The following VPS13B variants were observed in gnomAD, a reference collection of about 807,000 sequenced individuals.
VPS13B encodes intermembrane lipid transfer protein VPS13B.
A neutral mutation model predicts 426.4 loss-of-function variants in VPS13B; 285 were observed. The ratio of observed to expected loss-of-function variants is 0.67; its 90% CI spans 0.61 to 0.74. The LOEUF is 0.74. VPS13B is among the 30% of genes least tolerant of loss of function. The pLI, the probability that VPS13B is intolerant of heterozygous loss-of-function variation, is 0.00. For synonymous variants in VPS13B, 1,676 were observed against 1,676.4 expected (o/e 1.00, Z 0.01); for missense variants, 4,537 against 4,782.6 (o/e 0.95, Z 1.51).
intron 22 of VPS13B, among the ~76,000 whole-genome samples, chr8:99,434,450 G>A (rs946056404): frequency 2.0e-5 from 3 of 152,130 alleles, no homozygotes; most frequent in African/African-American, 7.2e-5. Flanking sequence ...TGCAACAAAT[G>A]TCTGTTGTTT....
At chr8:99,539,144 T>C (rs1823416331) in intron 30 of VPS13B, among the ~76,000 whole-genome samples, 2 of 152,214 alleles carry the variant, frequency 1.3e-5, no homozygotes. Flanking sequence ...ATGATTACAT[T>C]GTAAGCATAA....
chr8:99,126,191 A>G (rs6415433), intron 8 of VPS13B, among the ~76,000 whole-genome samples: 125,692 of 152,140 alleles, frequency 0.83, 52,436 homozygotes, highest in South Asian at 0.89. Flanking sequence ...AGAAAAGGTG[A>G]TAGCGGTTTT....
At chr8:99,788,586 G>T (rs1364870881) in intron 43 of VPS13B, among the ~76,000 whole-genome samples, 3 of 152,118 alleles carry the variant, frequency 2.0e-5, no homozygotes, top group Non-Finnish European at 4.4e-5. Flanking sequence ...TTTACAGTTT[G>T]TTGCAGCTAC....
chr8:99,734,686 A>G (rs1159200975), intron 39 of VPS13B, among the ~76,000 whole-genome samples: 2 of 152,214 alleles, frequency 1.3e-5, no homozygotes, highest in Admixed American at 1.3e-4. Context: ...AGAGGAAAGG[A>G]TGAATCAGGA....
At chr8:99,431,994 C>T (rs1293533589) in intron 22 of VPS13B, among the ~76,000 whole-genome samples, 1 of 151,998 alleles carries the variant, frequency 6.6e-6, no homozygotes, top group East Asian at 1.9e-4. Context: ...TATCTCAGAA[C>T]TGAGATAAAG....
At chr8:99,860,352 G>A (rs529715683) in intron 57 of VPS13B, among the ~76,000 whole-genome samples, 1 of 152,118 alleles carries the variant, frequency 6.6e-6, no homozygotes, top group Non-Finnish European at 1.5e-5. Context: ...CACTCCCCCA[G>A]GCCTCAAATC....
intron 39 of VPS13B, among the ~76,000 whole-genome samples, chr8:99,762,638 C>A (rs1810989100): frequency 6.6e-6 from 1 of 152,152 alleles, no homozygotes; most frequent in South Asian, 2.1e-4. Flanking sequence ...AGAACTCTTA[C>A]AACTTACCTG....
Position 99,090,267 on chromosome 8 carries a change from C to CTT in VPS13B, c.292-6028_292-6027dup, listed in dbSNP as rs1205594894. On this transcript the variant is annotated intron_variant, in intron 3 of 61. Coordinates refer to ENST00000357162, the MANE Select transcript of VPS13B (RefSeq NM_152564.5). ...TCTTTGTGACATGTATAATCATAAA[C>CTT]TTTTTTTTTTTTTTTTTTCACACAG... Among the ~76,000 whole-genome samples the CTT allele has an allele frequency of 2.0e-3, 267 of 136,136 alleles. 1 individual carries two copies. The highest frequency in any genetic ancestry group is 6.1e-3 in the African/African-American group (223 of 36,600). 89.3% of individuals were successfully genotyped at this position (136,136 alleles called of 152,430 possible).
At chr8:99,664,439 A>G (rs970189225) in intron 35 of VPS13B, among the ~76,000 whole-genome samples, 4 of 151,586 alleles carry the variant, frequency 2.6e-5, no homozygotes, top group Non-Finnish European at 5.9e-5. Context: ...TTAACATTAG[A>G]TATATCTCCT....
rs1388018846 is a variant in VPS13B, at chr8:99,843,477, G to A, written c.9943-5299G>A. 2.6e-5 allele frequency among the ~76,000 whole-genome samples: 4 copies of A among 152,318 alleles called. No individual in the cohort carries two copies. The East Asian group carries it at 7.7e-4, about 29-fold the overall frequency. On this transcript the variant is annotated intron_variant, in intron 54 of 61. Coordinates refer to ENST00000357162, the MANE Select transcript of VPS13B (RefSeq NM_152564.5). ...CACCCTTGAAGTCTAGCACTTCTAA[G>A]CGATGCTCAGTCTGTATGTGATGCC...
At chr8:99,812,800 A>C (rs1051319479) in intron 44 of VPS13B, among the ~76,000 whole-genome samples, 4 of 152,184 alleles carry the variant, frequency 2.6e-5, no homozygotes, top group Non-Finnish European at 4.4e-5. Context: ...ATCGTTTTCC[A>C]GTGCATCTGG....
At chr8:99,511,589 T>C (rs1203192507) in intron 29 of VPS13B, 77 bp downstream of exon 29, 1 of 1,471,736 alleles carries the variant, frequency 6.8e-7, no homozygotes. Flanking sequence ...GTTTTTTTGT[T>C]TCTTTTAAAA....
chr8:99,674,255 T>C (rs1435822969), intron 35 of VPS13B, among the ~76,000 whole-genome samples: 1 of 152,054 alleles, frequency 6.6e-6, no homozygotes, highest in African/African-American at 2.4e-5. Context: ...TTGCTTTATA[T>C]ATTTAGATGC....
At chr8:99,674,699 G>A (rs966606826) in intron 35 of VPS13B, among the ~76,000 whole-genome samples, 1 of 151,738 alleles carries the variant, frequency 6.6e-6, no homozygotes, top group African/African-American at 2.4e-5. Flanking sequence ...TTCTCTATTG[G>A]TATATTTTGA....
At chr8:99,349,715 GA>G (rs1811765753) in intron 19 of VPS13B, among the ~76,000 whole-genome samples, 1 of 152,136 alleles carries the variant, frequency 6.6e-6, no homozygotes, top group Non-Finnish European at 1.5e-5. Context: ...TATAATCGTT[GA>G]AAAAAGTCTT....
At chr8:99,835,910 C>G (rs1030785360) in intron 54 of VPS13B, among the ~76,000 whole-genome samples, 172 bp downstream of exon 54, 2 of 152,142 alleles carry the variant, frequency 1.3e-5, no homozygotes, top group Non-Finnish European at 2.9e-5. Context: ...TTCTCAAACT[C>G]AAGTATGTAT....
intron 24 of VPS13B, among the ~76,000 whole-genome samples, chr8:99,469,107 A>C (rs1447453944): frequency 2.0e-5 from 3 of 151,984 alleles, no homozygotes; most frequent in Non-Finnish European, 4.4e-5. Flanking sequence ...GAACACTGTC[A>C]TAAAAACTTA....
intron 17 of VPS13B, among the ~76,000 whole-genome samples, chr8:99,262,439 A>G (rs1407391990): frequency 1.3e-5 from 2 of 152,098 alleles, no homozygotes; most frequent in Admixed American, 1.3e-4. Context: ...CACCTATTGA[A>G]TCTTAGAACT....
chr8:99,719,304 G>T (rs931124905), intron 37 of VPS13B, among the ~76,000 whole-genome samples: 1 of 152,174 alleles, frequency 6.6e-6, no homozygotes, highest in African/African-American at 2.4e-5. Context: ...TACAGTCATT[G>T]TCTCTTGACA....
Sources: gnomAD v4.1 joint callset for allele counts (sites outside exome capture counted in the v4.1 genomes callset) on GRCh38, gnomAD v4.1.1 for gene constraint, MANE v1.5 for transcripts, NCBI Gene and HGNC (gene_info 2026-07-23, HGNC 2026-07-21) for gene names.